Variants in LRRC9 observed in about 807,000 individuals in gnomAD.
LRRC9 encodes leucine-rich repeat-containing protein 9.
A neutral mutation model predicts 63.2 loss-of-function variants in LRRC9; 122 were observed. The observed-to-expected ratio is 1.93, with a 90% CI of 1.67 to 2.24. The LOEUF is 2.24. Among genes scored for constraint, LRRC9 ranks in the 30% most tolerant of loss-of-function variants. The pLI, the probability that LRRC9 is intolerant of heterozygous loss-of-function variation, is 0.00. For synonymous variants in LRRC9, 366 were observed against 213.1 expected, an observed-to-expected ratio of 1.72 and a Z score of -6.25; for missense variants, 1,071 against 627.7, an observed-to-expected ratio of 1.71 and a Z score of -7.55.
chr14:59,934,783 C>A (rs1016710354), intron 6 of LRRC9, among the ~76,000 whole-genome samples: 1 of 152,080 alleles, frequency 6.6e-6, no homozygotes, highest in African/African-American at 2.4e-5. Flanking sequence ...GTAAACACAT[C>A]ATAAAATTAA....
At chr14:59,934,127 G>A (rs1889933940) in intron 6 of LRRC9, among the ~76,000 whole-genome samples, 1 of 151,826 alleles carries the variant, frequency 6.6e-6, no homozygotes, top group Admixed American at 6.6e-5. Context: ...ATGAATTGGA[G>A]TGTTAACAGA....
chr14:60,002,284 C>T (rs1006219655), intron 20 of LRRC9, among the ~76,000 whole-genome samples, 184 bp downstream of exon 20: 1 of 152,292 alleles, frequency 6.6e-6, no homozygotes, highest in East Asian at 1.9e-4. Flanking sequence ...GTATACAATA[C>T]CGTATCGTTA....
intron 22 of LRRC9, among the ~76,000 whole-genome samples, chr14:60,007,245 T>C (rs1426524793): frequency 2.0e-5 from 3 of 152,160 alleles, no homozygotes; most frequent in Non-Finnish European, 4.4e-5. Flanking sequence ...CTTCTCCCCA[T>C]TCCGTTCCCC....
intron 17 of LRRC9, among the ~76,000 whole-genome samples, chr14:59,989,688 C>A (rs1308238049): frequency 3.3e-5 from 5 of 152,000 alleles, no homozygotes; most frequent in African/African-American, 9.7e-5. Flanking sequence ...CCTCTGTCTT[C>A]CCCCTCTCCA....
chr14:59,976,314 G>A (rs1886280382), intron 13 of LRRC9, among the ~76,000 whole-genome samples: 1 of 152,156 alleles, frequency 6.6e-6, no homozygotes, highest in Admixed American at 6.5e-5. Flanking sequence ...CCCAGTCTGG[G>A]GGAAAATTGT....
chr14:59,958,104 G>A lies in LRRC9; in HGVS notation c.883-1714G>A, dbSNP rs1043031799. ...TGTCTCCCAGTCAGGAGGCACGGGG[G>A]TCAGGAACCCACTTGAGCAGGCAGT... On this transcript the variant is annotated intron_variant, in intron 8 of 31. Transcript: ENST00000445360. The surrounding 1 kb of genome is among the most constrained non-coding windows in gnomAD (Gnocchi z 4.0). Among the ~76,000 whole-genome samples, 14 of 152,236 alleles carry A rather than the reference G, an allele frequency of 9.2e-5. No individual in the cohort carries two copies. Among genetic ancestry groups the A allele is most frequent in the Admixed American group, 9.2e-4 (14 of 15,292 alleles).
chr14:59,995,913 T>C (rs986606225), intron 17 of LRRC9, among the ~76,000 whole-genome samples: 4 of 152,088 alleles, frequency 2.6e-5, no homozygotes, highest in African/African-American at 9.7e-5. Flanking sequence ...CAGCTAATTT[T>C]TGTATTTTTC....
At position 59,938,431 on chromosome 14, in the gene LRRC9, A is replaced by T; in HGVS notation, c.585A>T (p.Leu195Phe). ...CCAGGCTGCCTTGCTTAAAGGATTT[A>T]TGTCTGAATGACCCTCAATATACAA... The change falls in exon 7 of 32, where the codon TTA becomes TTT. Residue 195 changes from leucine to phenylalanine, a missense_variant. Physicochemically the swap from Leu to Phe is conservative, Grantham distance 22. Transcript: ENST00000445360. The surrounding 1 kb of genome is among the most constrained non-coding windows in gnomAD (Gnocchi z 4.2). 1 of 695,948 alleles carries T rather than the reference A, an allele frequency of 1.4e-6. No individual in the cohort carries two copies. Among genetic ancestry groups the T allele is most frequent in the Non-Finnish European group, 2.6e-6 (1 of 381,922 alleles). The allele number at this position is 695,948 out of a possible 1,614,324, so 43.1% of individuals were successfully genotyped here. A position where few individuals can be genotyped will look rare whatever the true frequency, so the allele number is the denominator to read the frequency against.
chr14:59,971,095 G>C (rs938899070), intron 12 of LRRC9, among the ~76,000 whole-genome samples: 2 of 152,008 alleles, frequency 1.3e-5, no homozygotes, highest in African/African-American at 4.8e-5. Flanking sequence ...AACTTGAGTT[G>C]ATTTTTCATA....
chr14:60,050,276 A>G (rs1595113401), intron 29 of LRRC9, among the ~76,000 whole-genome samples: 1 of 152,146 alleles, frequency 6.6e-6, no homozygotes, highest in Non-Finnish European at 1.5e-5. Flanking sequence ...GATTGCATGC[A>G]TGAGCCACCA....
At chr14:60,043,155 A>G (rs981429532) in intron 29 of LRRC9, among the ~76,000 whole-genome samples, 2 of 152,176 alleles carry the variant, frequency 1.3e-5, no homozygotes, top group Non-Finnish European at 2.9e-5. Flanking sequence ...GTATTCTGCA[A>G]CTTAACTGAA....
At chr14:59,960,934 T>A (rs1209594650) in exon 10 of LRRC9, 1 of 682,192 alleles carries the variant, frequency 1.5e-6, no homozygotes, top group Admixed American at 2.1e-5. Flanking sequence ...ATTTATCATA[T>A]TGAAGTAAAA....
At chr14:60,032,980 C>T (rs1259799942) in intron 29 of LRRC9, among the ~76,000 whole-genome samples, 2 of 152,030 alleles carry the variant, frequency 1.3e-5, no homozygotes, top group Non-Finnish European at 2.9e-5. Flanking sequence ...TCAACCTTCG[C>T]ATTCATAAAC....
At chr14:59,931,625 C>A (rs1316099207) in exon 5 of LRRC9, 6 of 698,178 alleles carry the variant, frequency 8.6e-6, no homozygotes, top group Non-Finnish European at 1.6e-5. Flanking sequence ...TTAGGGTTTG[C>A]AAACTTTGAA....
At chr14:60,035,741 T>C (rs1406576678) in intron 29 of LRRC9, among the ~76,000 whole-genome samples, 2 of 152,340 alleles carry the variant, frequency 1.3e-5, no homozygotes, top group Middle Eastern at 3.4e-3. Context: ...TTGGTTACTA[T>C]AGCTTTGTAA....
Position 59,990,061 on chromosome 14 carries a change from G to A in LRRC9, c.2211+4837G>A, listed in dbSNP as rs1887907807. Among the ~76,000 whole-genome samples, 1 of 151,780 alleles carries A rather than the reference G, an allele frequency of 6.6e-6. No homozygotes were observed. Among genetic ancestry groups the A allele is most frequent in the Admixed American group, 6.6e-5 (1 of 15,232 alleles). The stretch of plus-strand genomic sequence containing the variant: ...TCCTGCCTTGGCCTCCCGACTAGAT[G>A]GGATTACAGGTGCACACCACCACAC... On this transcript the variant is annotated intron_variant, in intron 17 of 31. Coordinates refer to ENST00000445360, the Ensembl canonical transcript of LRRC9. This position sits in a 1 kb window ranked among gnomAD's most constrained non-coding sequence, Gnocchi z 4.2.
chr14:59,988,853 A>G (rs182418680), intron 17 of LRRC9, among the ~76,000 whole-genome samples: 225 of 152,258 alleles, frequency 1.5e-3, no homozygotes, highest in African/African-American at 5.2e-3. Context: ...ATATCCCTTC[A>G]GTTACTGAAT....
At chr14:59,940,475 A>G (rs1205682000) in intron 7 of LRRC9, among the ~76,000 whole-genome samples, 1 of 152,118 alleles carries the variant, frequency 6.6e-6, no homozygotes, top group African/African-American at 2.4e-5. Context: ...TACAAGTGTC[A>G]GGTAAAGTCA....
chr14:60,032,781 G>A (rs1892096257), intron 29 of LRRC9, among the ~76,000 whole-genome samples: 1 of 152,110 alleles, frequency 6.6e-6, no homozygotes, highest in Non-Finnish European at 1.5e-5. Context: ...CACAGGAGGA[G>A]AGCTTCTCTT....
Sources: allele counts gnomAD v4.1 joint callset (sites outside exome capture counted in the v4.1 genomes callset), GRCh38; gene constraint gnomAD v4.1.1; non-coding constraint Gnocchi (gnomAD v3.1); transcripts MANE v1.5; gene names NCBI Gene and HGNC (gene_info 2026-07-23, HGNC 2026-07-21).